The following ITPKA variants were observed in gnomAD, a reference collection of about 807,000 sequenced individuals.
The protein encoded by ITPKA is IP3 3-kinase A.
A neutral mutation model predicts 40.7 loss-of-function variants in ITPKA; 16 were observed. That is an observed-to-expected ratio of 0.39 (90% CI 0.27 to 0.60). The LOEUF (loss-of-function observed/expected upper bound fraction) is 0.60. ITPKA is among the 20% of genes least tolerant of loss of function. The pLI is 0.50. For missense variants in ITPKA, 540 were observed against 649.3 expected (o/e 0.83, Z 1.83); for synonymous variants, 313 against 289.9 (o/e 1.08, Z -0.81).
At chr15:41,495,366 C>T (rs1429147414) in intron 1 of ITPKA, among the ~76,000 whole-genome samples, 1 of 152,216 alleles carries the variant, frequency 6.6e-6, no homozygotes, top group Non-Finnish European at 1.5e-5. Context: ...CGGCCTCGGG[C>T]GTCTGGGGCC....
rs1247004477 is a variant in ITPKA at position 41,493,967 on chromosome 15, G to T, written c.40G>T (p.Gly14Trp). 9.4e-7 allele frequency: 1 copy of T among 1,062,572 alleles called. No individual in the cohort carries two copies. Among genetic ancestry groups the T allele is most frequent in the Non-Finnish European group, 1.1e-6 (1 of 880,532 alleles). 65.8% of individuals were successfully genotyped at this position (1,062,572 alleles called of 1,614,324 possible). A position where few individuals can be genotyped will look rare whatever the true frequency, so the allele number is the denominator to read the frequency against. Residue 14 changes from glycine to tryptophan, a missense_variant, in exon 1 of 7, where the codon GGG becomes TGG. Transcript: ENST00000260386. ...PGGPTGMARP[G>W]GARPCSPGLE... ...GGGCCCAACGGGCATGGCGCGGCCG[G>T]GGGGCGCGAGGCCCTGCAGCCCGGG... is the stretch of plus-strand genomic sequence containing the variant.
In ITPKA at chr15:41,494,242, C is replaced by T; in HGVS notation, c.315C>T (p.Cys105=). Residue 105 remains cysteine (C), a synonymous_variant, in exon 1 of 7, where the codon TGC becomes TGT. Coordinates refer to ENST00000260386, the MANE Select transcript of ITPKA (RefSeq NM_002220.3). The surrounding 1 kb of genome is among the most constrained non-coding windows in gnomAD (Gnocchi z 7.8). ...GGCCGCCGGAGCGGGAGAGGGACTGCCTCCCGGCAGCGGGCTCTTCGCACC... is the reference window on the plus strand; with the variant it reads ...GGCCGCCGGAGCGGGAGAGGGACTGTCTCCCGGCAGCGGGCTCTTCGCACC... The part of the protein sequence containing the change: ...SPGPPERERD[C]LPAAGSSHLQ... 6.5e-7 allele frequency: 1 copy of T among 1,543,128 alleles called. No homozygotes were observed. The highest frequency in any genetic ancestry group is 1.4e-5 in the African/African-American group (1 of 72,728).
chr15:41,501,594 C>G (rs750606150), intron 2 of ITPKA, 35 bp downstream of exon 2: 4 of 1,574,990 alleles, frequency 2.5e-6, no homozygotes, highest in Admixed American at 3.6e-5. Context: ...GTGCCCGCGA[C>G]GGGAAGGGGC....
chr15:41,503,074 C>T lies in ITPKA; in HGVS notation c.1294C>T (p.Arg432Trp). Residue 432 changes from arginine (R) to tryptophan (W), a missense_variant, in exon 7 of 7, where the codon CGG (arginine) becomes TGG (tryptophan). By Grantham distance (101) the Arg-to-Trp change is moderately radical. Coordinates refer to ENST00000260386, the MANE Select transcript of ITPKA (RefSeq NM_002220.3). ...PLPDGQILDH[R>W]RPWEEGNRED... is the part of the protein sequence containing the mutation. ...CCCCGATGGCCAGATCCTGGACCAC[C>T]GGCGGCCCTGGGAGGAGGGCAACCG... The T allele has an allele frequency of 1.2e-6, 2 of 1,608,736 alleles. No individual in the cohort carries two copies. Among genetic ancestry groups the T allele is most frequent in the Non-Finnish European group, 8.5e-7 (1 of 1,176,144 alleles).
Position 41,503,541 on chromosome 15 carries a change from C to T in ITPKA, c.*375C>T, listed in dbSNP as rs746677159. On this transcript the variant is annotated 3_prime_UTR_variant, in exon 7 of 7. Coordinates refer to ENST00000260386, the MANE Select transcript of ITPKA (RefSeq NM_002220.3). ...ACGGACTCCCCTTCCTAATAAAACTCAAAGACAAGATGCAGCTTCCTGTGC... is the reference window on the plus strand; with the variant it reads ...ACGGACTCCCCTTCCTAATAAAACTTAAAGACAAGATGCAGCTTCCTGTGC... 11 of 578,030 alleles carry T rather than the reference C, an allele frequency of 1.9e-5. No homozygotes were observed. The East Asian group carries it at 2.6e-4, about 14-fold the overall frequency. 35.8% of individuals were successfully genotyped at this position (578,030 alleles called of 1,614,324 possible).
In ITPKA at chr15:41,502,833, G is replaced by A. The variant is rs1466053235; in HGVS notation, c.1156G>A (p.Val386Ile). The A allele has an allele frequency of 2.5e-6, 4 of 1,612,988 alleles. No homozygotes were observed. The highest frequency in any genetic ancestry group is 1.7e-4 in the Middle Eastern group (1 of 6,058). ...RLQQIRDTLE[V>I]SEFFRRHEVI... is the part of the protein sequence containing the mutation. ...GCAGCAGATCCGGGACACCCTGGAG[G>A]TATCCGAGTTCTTCAGGAGGCACGA... The change falls in exon 6 of 7, where the codon GTA (valine) becomes ATA (isoleucine). Residue 386 changes from valine to isoleucine, a missense_variant. Transcript: ENST00000260386.
At chr15:41,497,055 C>G (rs1479459471) in intron 1 of ITPKA, among the ~76,000 whole-genome samples, 2 of 152,276 alleles carry the variant, frequency 1.3e-5, no homozygotes, top group Middle Eastern at 3.4e-3. Flanking sequence ...CAGGTGTCTT[C>G]AAGGCTTCCG....
At position 41,493,979 on chromosome 15, in the gene ITPKA, C is replaced by A. The variant is rs1275920628; in HGVS notation, c.52C>A (p.Pro18Thr). 9.1e-7 allele frequency: 1 copy of A among 1,099,962 alleles called. No homozygotes were observed. The highest frequency in any genetic ancestry group is 1.1e-6 in the Non-Finnish European group (1 of 904,154). 68.1% of individuals were successfully genotyped at this position (1,099,962 alleles called of 1,614,324 possible). Residue 18 changes from proline (P) to threonine (T), a missense_variant, in exon 1 of 7, where the codon CCC (proline) becomes ACC (threonine). Physicochemically the swap from Pro to Thr is conservative, Grantham distance 38. Transcript: ENST00000260386. ...TGMARPGGAR[P>T]CSPGLERAPR... is the part of the protein sequence containing the mutation. ...CATGGCGCGGCCGGGGGGCGCGAGG[C>A]CCTGCAGCCCGGGGCTGGAGCGGGC...
chr15:41,497,609 G>A (rs1003777474), intron 1 of ITPKA, among the ~76,000 whole-genome samples: 3 of 152,180 alleles, frequency 2.0e-5, no homozygotes, highest in African/African-American at 7.2e-5. Flanking sequence ...TGAGTTCCAT[G>A]ACACTTGCAC....
rs766087130 is a variant in ITPKA at position 41,494,314 on chromosome 15, C to G, written c.387C>G (p.Gly129=). 16 of 1,537,166 alleles carry G rather than the reference C, an allele frequency of 1.0e-5. No individual in the cohort carries two copies. In the African/African-American group the frequency reaches 1.9e-4, roughly 19 times the overall value. Residue 129 remains glycine, a synonymous_variant, in exon 1 of 7, where the codon GGC becomes GGG. Transcript: ENST00000260386. The surrounding 1 kb of genome is among the most constrained non-coding windows in gnomAD (Gnocchi z 7.8). ...RLSTSSVSST[G]SSSLLEDSED... is the part of the protein sequence containing the mutation. ...CCACCTCGTCGGTCTCCTCCACTGG[C>G]TCCTCGTCGCTGCTCGAGGACTCGG... is the stretch of plus-strand genomic sequence containing the variant.
rs778377389 is a variant in ITPKA, at chr15:41,503,041, A to G, written c.1261A>G (p.Thr421Ala). ...GVWLIDFGKT[T>A]PLPDGQILDH... ...GTGGCTCATCGACTTCGGCAAGACC[A>G]CGCCCCTCCCCGATGGCCAGATCCT... Residue 421 changes from threonine to alanine, a missense_variant, in exon 7 of 7, where the codon ACG becomes GCG. Physicochemically the swap from Thr to Ala is moderately conservative, Grantham distance 58 (BLOSUM62 0). Coordinates refer to ENST00000260386, the MANE Select transcript of ITPKA (RefSeq NM_002220.3). The G allele has an allele frequency of 1.9e-6, 3 of 1,610,654 alleles. No individual in the cohort carries two copies. The African/African-American group carries it at 4.0e-5, about 21-fold the overall frequency.
Position 41,501,443 on chromosome 15 carries a change from C to G in ITPKA, c.490-20C>G, listed in dbSNP as rs376288477. On this transcript the variant is annotated intron_variant, in intron 1 of 6. Transcript: ENST00000260386. ...ATTGCCGAGACGCCGATTATCAGACCTTGACCCTGTCGCTTTCAGAAAAAC... is the reference window on the plus strand; with the variant it reads ...ATTGCCGAGACGCCGATTATCAGACGTTGACCCTGTCGCTTTCAGAAAAAC... 12 of 1,596,996 alleles carry G rather than the reference C, an allele frequency of 7.5e-6. No homozygotes were observed. Among genetic ancestry groups the G allele is most frequent in the Non-Finnish European group, 9.4e-6 (11 of 1,171,694 alleles).
rs771836632 is a variant in ITPKA, at chr15:41,494,249, G to T, written c.322G>T (p.Ala108Ser). ...PPERERDCLPAAGSSHLQQPR... is the reference protein window; with the variant it reads ...PPERERDCLPSAGSSHLQQPR... ...GGAGCGGGAGAGGGACTGCCTCCCG[G>T]CAGCGGGCTCTTCGCACCTGCAGCA... The change falls in exon 1 of 7, where the codon GCA becomes TCA. Residue 108 changes from alanine to serine, a missense_variant. Coordinates refer to ENST00000260386, the MANE Select transcript of ITPKA (RefSeq NM_002220.3). The surrounding 1 kb of genome is among the most constrained non-coding windows in gnomAD (Gnocchi z 7.8). 6.5e-7 allele frequency: 1 copy of T among 1,544,864 alleles called. No homozygotes were observed.
chr15:41,498,362 G>C (rs1024574766), intron 1 of ITPKA, among the ~76,000 whole-genome samples: 1 of 150,938 alleles, frequency 6.6e-6, no homozygotes, highest in Admixed American at 6.6e-5. Context: ...ACTGGCCTTA[G>C]TTGCTGCTGC....
rs1168801657 is a variant in ITPKA, at chr15:41,494,824, C to CA, written c.489+408_489+409insA. On this transcript the variant is annotated intron_variant, in intron 1 of 6. Transcript: ENST00000260386. The surrounding 1 kb of genome is among the most constrained non-coding windows in gnomAD (Gnocchi z 7.8). ...CTTACCCCCCGCCCCCTCTCCGGTG[C>CA]CGCGGCCGCACCCCCGCCGTTGCCA... Among the ~76,000 whole-genome samples the CA allele has an allele frequency of 2.6e-5, 4 of 152,188 alleles. No homozygotes were observed. The highest frequency in any genetic ancestry group is 4.4e-5 in the Non-Finnish European group (3 of 68,020).
At position 41,501,927 on chromosome 15, in the gene ITPKA, C is replaced by T. The variant is rs182447811; in HGVS notation, c.804-70C>T. 6,236 of 1,588,260 alleles carry T rather than the reference C, an allele frequency of 3.9e-3. 34 individuals are homozygous for T. Among genetic ancestry groups the T allele is most frequent in the South Asian group, 0.014 (1,226 of 89,476 alleles). On this transcript the variant is annotated intron_variant, in intron 3 of 6. Transcript: ENST00000260386. ...CCGGGACAGCTGCTTGAGGGGGACC[C>T]GGGGCGAGTGCTCGAAGGGGTCTCC...
chr15:41,502,622 C>A (rs1474880212), intron 5 of ITPKA, 119 bp downstream of exon 5: 5 of 924,178 alleles, frequency 5.4e-6, no homozygotes, highest in Non-Finnish European at 8.4e-6. Flanking sequence ...CGCTGGCTCG[C>A]AACTGCTCTA....
In ITPKA at chr15:41,494,236, G is replaced by A. The variant is rs769801208; in HGVS notation, c.309G>A (p.Arg103=). ...PTSPGPPERE[R]DCLPAAGSSH... ...GCCCTGGGCCGCCGGAGCGGGAGAG[G>A]GACTGCCTCCCGGCAGCGGGCTCTT... Residue 103 remains arginine, a synonymous_variant, in exon 1 of 7, where the codon AGG becomes AGA. Coordinates refer to ENST00000260386, the MANE Select transcript of ITPKA (RefSeq NM_002220.3). The surrounding 1 kb of genome is among the most constrained non-coding windows in gnomAD (Gnocchi z 7.8). 3 of 1,541,318 alleles carry A rather than the reference G, an allele frequency of 1.9e-6. No individual in the cohort carries two copies. Among genetic ancestry groups the A allele is most frequent in the Non-Finnish European group, 1.7e-6 (2 of 1,151,300 alleles).
chr15:41,501,210 G>C, intron 1 of ITPKA: 1 of 572,368 alleles, frequency 1.7e-6, no homozygotes, highest in South Asian at 7.6e-5. Context: ...CGCAAACCGG[G>C]GGCTTCAGAT....
Sources: gnomAD v4.1 joint callset for allele counts (sites outside exome capture counted in the v4.1 genomes callset) on GRCh38, gnomAD v4.1.1 for gene constraint, Gnocchi (gnomAD v3.1) non-coding constraint, MANE v1.5 for transcripts, NCBI Gene and HGNC (gene_info 2026-07-23, HGNC 2026-07-21) for gene names.